Variants in EYS observed in about 807,000 individuals in gnomAD.
The protein encoded by EYS is protein eyes shut homolog.
In EYS, 250 loss-of-function variants were observed where a neutral mutation model predicts 282.1. That is an observed-to-expected ratio of 0.89 (90% CI 0.80 to 0.98). The LOEUF (loss-of-function observed/expected upper bound fraction) is 0.98, where lower values mean the gene tolerates loss of function less well. EYS is among the 50% of genes least tolerant of loss of function. The probability of loss-of-function intolerance (pLI) is 0.00; values close to 1 mark genes in which losing one functional copy is unlikely to be tolerated. For missense variants in EYS, 4,016 were observed against 3,709.0 expected (o/e 1.08, Z -2.15); for synonymous variants, 1,355 against 1,282.9 (o/e 1.06, Z -1.20).
intron 5 of EYS, among the ~76,000 whole-genome samples, chr6:65,438,680 C>T (rs775432719): frequency 1.7e-4 from 26 of 151,978 alleles, no homozygotes; most frequent in Non-Finnish European, 2.2e-4. Context: ...CTGTTCATAT[C>T]CTTTGCCCAC....
At position 65,453,034 on chromosome 6, in the gene EYS, C is replaced by T. The variant is rs552150483; in HGVS notation, c.862+37560G>A. Among the ~76,000 whole-genome samples, 29 of 152,116 alleles carry T rather than the reference C, an allele frequency of 1.9e-4. No homozygotes were observed. In the South Asian group the frequency reaches 6.0e-3, roughly 32 times the overall value. On this transcript the variant is annotated intron_variant, in intron 5 of 42. Coordinates refer to ENST00000503581, the MANE Select transcript of EYS (RefSeq NM_001142800.2). ...GCACAGGGAAGCATTTATAAGTACA[C>T]AGCCTGAAGTTGATTACTTGTTTGT... is the stretch of plus-strand genomic sequence containing the variant.
intron 8 of EYS, among the ~76,000 whole-genome samples, chr6:65,369,265 GTATATATATATTTATATATAT>G (rs1765033477): frequency 7.2e-6 from 1 of 139,358 alleles, no homozygotes; most frequent in Middle Eastern, 3.8e-3. Flanking sequence ...GTGTGTGTGT[GTATATATATATTTATATATAT>G]TATATATATA....
chr6:64,395,605 G>T (rs1215720474), intron 28 of EYS, among the ~76,000 whole-genome samples: 2 of 148,996 alleles, frequency 1.3e-5, no homozygotes, highest in Admixed American at 1.3e-4. Flanking sequence ...ACACAGGAAG[G>T]GGAATATCAC....
intron 37 of EYS, among the ~76,000 whole-genome samples, chr6:63,790,355 G>A (rs1175330703): frequency 6.6e-6 from 1 of 152,186 alleles, no homozygotes; most frequent in African/African-American, 2.4e-5. Context: ...GAAAGTGGAA[G>A]ACAGAAATAT....
rs1769675220 is a variant in EYS at position 63,762,641 on chromosome 6, T to C, written c.7899-8A>G. ...CCAGTGGTACAATTGCAGCTGTGGGTTGAGAGAAAGCCGCATGGTTTGAGC... is the reference window on the plus strand; with the variant it reads ...CCAGTGGTACAATTGCAGCTGTGGGCTGAGAGAAAGCCGCATGGTTTGAGC... On this transcript the variant is annotated splice_polypyrimidine_tract_variant and splice_region_variant and intron_variant, in intron 40 of 42. Coordinates refer to ENST00000503581, the MANE Select transcript of EYS (RefSeq NM_001142800.2). 1.9e-6 allele frequency: 3 copies of C among 1,548,982 alleles called. No homozygotes were observed. Among genetic ancestry groups the C allele is most frequent in the Non-Finnish European group, 2.6e-6 (3 of 1,145,582 alleles).
At chr6:63,749,110 A>G (rs1212769914) in intron 41 of EYS, among the ~76,000 whole-genome samples, 1 of 152,020 alleles carries the variant, frequency 6.6e-6, no homozygotes, top group Non-Finnish European at 1.5e-5. Context: ...ACTTTTTGAT[A>G]TGGGTGTTCA....
chr6:65,466,199 A>G (rs1764993392), intron 5 of EYS, among the ~76,000 whole-genome samples: 1 of 152,072 alleles, frequency 6.6e-6, no homozygotes, highest in South Asian at 2.1e-4. Context: ...TAAAACCAAG[A>G]ATTGGAACTA....
At chr6:64,733,349 C>G (rs1000023017) in intron 22 of EYS, 4 of 175,732 alleles carry the variant, frequency 2.3e-5, no homozygotes, top group African/African-American at 7.1e-5. Context: ...TGATGACTGA[C>G]AGGAGCAGGG....
intron 5 of EYS, among the ~76,000 whole-genome samples, chr6:65,447,496 G>T (rs764718754): frequency 1.5e-4 from 22 of 151,306 alleles, no homozygotes; most frequent in Non-Finnish European, 2.7e-4. Flanking sequence ...CACTTTCCCA[G>T]ATCAAACATT....
chr6:64,903,754 T>C (rs1767738620), intron 16 of EYS, among the ~76,000 whole-genome samples: 2 of 152,138 alleles, frequency 1.3e-5, no homozygotes, highest in Admixed American at 1.3e-4. Flanking sequence ...TATTTCATCT[T>C]TTCATATCAT....
At chr6:64,584,298 C>T (rs1268952842) in intron 26 of EYS, among the ~76,000 whole-genome samples, 1 of 151,848 alleles carries the variant, frequency 6.6e-6, no homozygotes, top group Non-Finnish European at 1.5e-5. Flanking sequence ...AGGTTGTATA[C>T]ATGGTTTTAC....
At chr6:65,696,912 T>C (rs767205609) in intron 1 of EYS, among the ~76,000 whole-genome samples, 1 of 152,066 alleles carries the variant, frequency 6.6e-6, no homozygotes, top group Non-Finnish European at 1.5e-5. Context: ...AGGTAAGAGC[T>C]ATCGAATAGC....
intron 35 of EYS, among the ~76,000 whole-genome samples, chr6:63,867,747 G>A (rs1195999681): frequency 6.6e-6 from 1 of 152,166 alleles, no homozygotes; most frequent in Non-Finnish European, 1.5e-5. Flanking sequence ...TGGCACCAAA[G>A]GATTACCAGG....
chr6:63,991,261 C>A (rs1767591520), intron 34 of EYS, among the ~76,000 whole-genome samples: 1 of 151,484 alleles, frequency 6.6e-6, no homozygotes, highest in Non-Finnish European at 1.5e-5. Flanking sequence ...AAAAGCCAGT[C>A]CAAAAAGACT....
intron 30 of EYS, among the ~76,000 whole-genome samples, chr6:64,268,082 A>AC (rs1767818317): frequency 6.6e-6 from 1 of 151,422 alleles, no homozygotes; most frequent in Non-Finnish European, 1.5e-5. Flanking sequence ...TAATCACAGC[A>AC]TTTTTTTTTC....
intron 5 of EYS, among the ~76,000 whole-genome samples, chr6:65,438,695 T>G (rs1057422545): frequency 2.0e-5 from 3 of 152,160 alleles, no homozygotes; most frequent in African/African-American, 7.2e-5. Flanking sequence ...GCCCACTTTT[T>G]GATGGGGTTG....
chr6:65,108,337 G>T (rs75861050), intron 12 of EYS, among the ~76,000 whole-genome samples: 1 of 151,956 alleles, frequency 6.6e-6, no homozygotes, highest in Non-Finnish European at 1.5e-5. Context: ...CACTCCACTC[G>T]CTCAGGCTGG....
At chr6:64,580,941 G>A (rs1435655643) in intron 26 of EYS, among the ~76,000 whole-genome samples, 1 of 149,894 alleles carries the variant, frequency 6.7e-6, no homozygotes, top group Non-Finnish European at 1.5e-5. Flanking sequence ...TATGAGAGAT[G>A]AATCAGGGAA....
chr6:64,682,336 C>G (rs1769931436), intron 22 of EYS, among the ~76,000 whole-genome samples: 1 of 152,018 alleles, frequency 6.6e-6, no homozygotes, highest in Non-Finnish European at 1.5e-5. Flanking sequence ...CCACTGTACT[C>G]CAGCCTGGGA....
Sources: gnomAD v4.1 joint callset for allele counts (sites outside exome capture counted in the v4.1 genomes callset) on GRCh38, gnomAD v4.1.1 for gene constraint, MANE v1.5 for transcripts, NCBI Gene and HGNC (gene_info 2026-07-23, HGNC 2026-07-21) for gene names.